The following FBXO16 variants were observed in gnomAD, a reference collection of about 807,000 sequenced individuals.
FBXO16 encodes the protein F-box only protein 16.
In FBXO16, 31 loss-of-function variants were observed where a neutral mutation model predicts 41.0. That is an observed-to-expected ratio of 0.76 (90% CI 0.57 to 1.02). The LOEUF (loss-of-function observed/expected upper bound fraction) is 1.02, where lower values mean the gene tolerates loss of function less well. Ranked by LOEUF, FBXO16 falls within the 50% of genes least tolerant of loss-of-function variation. FBXO16 has a pLI of 0.00. For synonymous variants in FBXO16, 133 were observed against 117.8 expected (o/e 1.13, Z -0.84); for missense variants, 361 against 346.2 (o/e 1.04, Z -0.34).
chr8:28,487,531 T>C (rs1420336376), intron 1 of FBXO16, among the ~76,000 whole-genome samples: 3 of 151,494 alleles, frequency 2.0e-5, no homozygotes, highest in African/African-American at 7.3e-5. Flanking sequence ...GTAGCTGGGA[T>C]TACAGGCATG....
chr8:28,445,545 C>A (rs566719347), intron 7 of FBXO16, among the ~76,000 whole-genome samples: 3 of 152,176 alleles, frequency 2.0e-5, no homozygotes, highest in African/African-American at 2.4e-5. Context: ...GGCAGAAGCA[C>A]GACATAATGG....
chr8:28,470,213 C>T (rs755702831), intron 3 of FBXO16, among the ~76,000 whole-genome samples: 2 of 152,014 alleles, frequency 1.3e-5, no homozygotes, highest in Non-Finnish European at 2.9e-5. Flanking sequence ...AAAATAAAGT[C>T]ATAATAATAA....
chr8:28,456,854 A>T lies in FBXO16; in HGVS notation c.419T>A (p.Ile140Asn). The change falls in exon 5 of 9, where the codon ATC becomes AAC. Residue 140 changes from isoleucine to asparagine, a missense_variant. Physicochemically the swap from Ile to Asn is moderately radical, Grantham distance 149. Coordinates refer to ENST00000380254, the MANE Select transcript of FBXO16 (RefSeq NM_172366.4). Reference sequence around the variant, plus strand: ...CTCAAAGGGAGTTGGAGAGAAATTGATGTACCAGTTAAACCGTAAACATTT... The same window carrying T: ...CTCAAAGGGAGTTGGAGAGAAATTGTTGTACCAGTTAAACCGTAAACATTT... The part of the protein sequence containing the change: ...MLKCLRFNWY[I>N]NFSPTPFEQG... 2 of 1,614,174 alleles carry T rather than the reference A, an allele frequency of 1.2e-6. No homozygotes were observed. Among genetic ancestry groups the T allele is most frequent in the Non-Finnish European group, 1.7e-6 (2 of 1,180,028 alleles).
At position 28,458,297 on chromosome 8, in the gene FBXO16, C is replaced by A. The variant is rs1281299567; in HGVS notation, c.343-1367G>T. On this transcript the variant is annotated intron_variant, in intron 4 of 8. Transcript: ENST00000380254. ...GAGATGTTGAGGAAAGAGTAGGGCA[C>A]AATTAGAAGAAATAATAGATTCAGG... Among the ~76,000 whole-genome samples, 3 of 151,962 alleles carry A rather than the reference C, an allele frequency of 2.0e-5. No individual in the cohort carries two copies. In the East Asian group the frequency reaches 5.8e-4, roughly 29 times the overall value.
intron 6 of FBXO16, among the ~76,000 whole-genome samples, chr8:28,449,975 A>AAAAAG: frequency 6.6e-6 from 1 of 150,556 alleles, no homozygotes; most frequent in South Asian, 2.1e-4. Flanking sequence ...GTCTCAAAAA[A>AAAAAG]AAAAGAAAAA....
chr8:28,483,385 G>T lies in FBXO16; in HGVS notation c.62C>A (p.Thr21Asn), dbSNP rs756647599. 12 of 1,614,104 alleles carry T rather than the reference G, an allele frequency of 7.4e-6. No individual in the cohort carries two copies. In the East Asian group the frequency reaches 2.5e-4, roughly 33 times the overall value. The part of the protein sequence containing the change: ...DGPKMQTKMS[T>N]WTPLNHQLLN... ...TAGCTGATGGTTTAGGGGTGTCCAG[G>T]TGCTCATCTTTGTCTGCATTTTGGG... The change falls in exon 2 of 9, where the codon ACC becomes AAC. Residue 21 changes from threonine (T) to asparagine (N), a missense_variant. By Grantham distance (65) the Thr-to-Asn change is moderately conservative. Transcript: ENST00000380254.
chr8:28,470,203 A>T (rs1030227214), intron 3 of FBXO16, among the ~76,000 whole-genome samples: 3 of 152,190 alleles, frequency 2.0e-5, no homozygotes, highest in East Asian at 1.9e-4. Flanking sequence ...TAAAAAAAAA[A>T]AAATAAAGTC....
chr8:28,452,198 T>C (rs750060657), intron 6 of FBXO16, 46 bp downstream of exon 6: 3 of 1,541,604 alleles, frequency 1.9e-6, no homozygotes, highest in Non-Finnish European at 2.7e-6. Context: ...TGCCAATAAA[T>C]TATTTCTAAA....
intron 7 of FBXO16, among the ~76,000 whole-genome samples, chr8:28,431,040 C>G (rs2130069944): frequency 6.6e-6 from 1 of 152,314 alleles, no homozygotes; most frequent in South Asian, 2.1e-4. Context: ...CTCTATGACA[C>G]AAGAATGGGC....
At chr8:28,451,707 G>A (rs1442763787) in intron 6 of FBXO16, among the ~76,000 whole-genome samples, 1 of 151,974 alleles carries the variant, frequency 6.6e-6, no homozygotes, top group African/African-American at 2.4e-5. Context: ...AAGAGGCCAG[G>A]CACAGTTGCT....
intron 4 of FBXO16, among the ~76,000 whole-genome samples, chr8:28,462,439 C>T (rs1484887741): frequency 5.9e-5 from 9 of 151,896 alleles, no homozygotes; most frequent in Non-Finnish European, 1.3e-4. Flanking sequence ...CCACCACGCC[C>T]GGCTAATTTT....
At chr8:28,483,220 AT>A in intron 2 of FBXO16, 127 bp downstream of exon 2, 1 of 842,294 alleles carries the variant, frequency 1.2e-6, no homozygotes. Context: ...GAATATCTTC[AT>A]TTTGGTTTTT....
intron 6 of FBXO16, chr8:28,448,873 T>A (rs889418407): frequency 1.3e-5 from 2 of 152,226 alleles, no homozygotes; most frequent in Non-Finnish European, 2.9e-5. Flanking sequence ...ATATTCAGGC[T>A]ACAATGGCAG....
intron 4 of FBXO16, among the ~76,000 whole-genome samples, chr8:28,458,544 C>CTTTTTTTTTTTTTTTTTTTTT (rs34617439): frequency 2.3e-5 from 2 of 87,568 alleles, no homozygotes; most frequent in African/African-American, 8.0e-5. Context: ...TCTTCTTCTT[C>CTTTTTTTTTTTTTTTTTTTTT]TTTTTTTTTT....
chr8:28,444,540 C>T (rs113973433), intron 7 of FBXO16, among the ~76,000 whole-genome samples: 12,288 of 145,306 alleles, frequency 0.085, 1,602 homozygotes, highest in African/African-American at 0.29. Flanking sequence ...AGTGCAGTGG[C>T]GTGATCTTGG....
chr8:28,469,634 TG>T (rs1178945729), intron 3 of FBXO16, among the ~76,000 whole-genome samples: 1 of 152,166 alleles, frequency 6.6e-6, no homozygotes, highest in Admixed American at 6.6e-5. Flanking sequence ...CTGGGAGTGG[TG>T]GCTCACGCCT....
At chr8:28,484,051 C>T (rs1803561407) in intron 1 of FBXO16, among the ~76,000 whole-genome samples, 1 of 152,120 alleles carries the variant, frequency 6.6e-6, no homozygotes, top group Non-Finnish European at 1.5e-5. Flanking sequence ...CAAGGTCATA[C>T]AGATAGCAAG....
chr8:28,456,654 G>A (rs967581991), intron 5 of FBXO16, 112 bp downstream of exon 5: 94 of 1,194,108 alleles, frequency 7.9e-5, no homozygotes, highest in Non-Finnish European at 9.8e-5. Flanking sequence ...CATAGTATAT[G>A]TCCTTTGAAC....
chr8:28,483,136 A>AT (rs1015422554), intron 2 of FBXO16, among the ~76,000 whole-genome samples: 3 of 151,864 alleles, frequency 2.0e-5, no homozygotes, highest in Non-Finnish European at 2.9e-5. Context: ...AATCCAAGAC[A>AT]TTTTTTTCTT....
Sources: gnomAD v4.1 joint callset for allele counts (sites outside exome capture counted in the v4.1 genomes callset) on GRCh38, gnomAD v4.1.1 for gene constraint, MANE v1.5 for transcripts, NCBI Gene and HGNC (gene_info 2026-07-23, HGNC 2026-07-21) for gene names.